AGBL3: variants seen among roughly 807,000 people sequenced by gnomAD.
AGBL3 encodes AGBL carboxypeptidase 3.
In AGBL3, 68 loss-of-function variants were observed where a neutral mutation model predicts 94.5. That is an observed-to-expected ratio of 0.72 (90% CI 0.59 to 0.88). AGBL3 has a LOEUF of 0.88. Ranked by LOEUF, AGBL3 falls within the 40% of genes least tolerant of loss-of-function variation. AGBL3 has a pLI of 0.00. For synonymous variants in AGBL3, 354 were observed against 370.7 expected (o/e 0.95, Z 0.52); for missense variants, 934 against 1,103.8 (o/e 0.85, Z 2.18).
chr7:135,059,243 T>C lies in AGBL3; in HGVS notation c.1908+8T>C, dbSNP rs1449333387. 6.5e-7 allele frequency: 1 copy of C among 1,548,124 alleles called. No individual in the cohort carries two copies. The highest frequency in any genetic ancestry group is 1.2e-5 in the South Asian group (1 of 83,770). On this transcript the variant is annotated splice_region_variant and intron_variant, in intron 12 of 16. Coordinates refer to ENST00000436302, the MANE Select transcript of AGBL3 (RefSeq NM_178563.4). ...CTCAAGTTAACTTCTCAGGTATGAC[T>C]GAACATTTTTGCTTATATGTGGATA...
chr7:135,129,793 T>A (rs1828470595), intron 16 of AGBL3: 2 of 566,264 alleles, frequency 3.5e-6, no homozygotes, highest in Admixed American at 2.6e-5. Flanking sequence ...ACTCATTCAG[T>A]CTTCCTGTGT....
chr7:135,044,595 C>T (rs1374759870), intron 9 of AGBL3, among the ~76,000 whole-genome samples: 1 of 152,092 alleles, frequency 6.6e-6, no homozygotes, highest in Non-Finnish European at 1.5e-5. Flanking sequence ...TTACAGCTAG[C>T]ATATCCTAAC....
At chr7:135,093,693 TAG>T in intron 15 of AGBL3, 1 of 152,318 alleles carries the variant, frequency 6.6e-6, no homozygotes, top group East Asian at 1.9e-4. Context: ...CTCAAATTGA[TAG>T]ATTCAGTGCA....
Position 135,034,542 on chromosome 7 carries a change from A to C in AGBL3, c.951A>C (p.Pro317=). ...ACCTTTCTGGCATCAATAATGATCC[A>C]GTACGGTCAAAGTTTTGTAAAATAC... ...QEYLSGINND[P]VRSKFCKIRV... Residue 317 remains proline (P), a synonymous_variant, in exon 7 of 17, where the codon CCA becomes CCC. Coordinates refer to ENST00000436302, the MANE Select transcript of AGBL3 (RefSeq NM_178563.4). The C allele has an allele frequency of 1.3e-6, 2 of 1,551,962 alleles. No individual in the cohort carries two copies. The highest frequency in any genetic ancestry group is 1.7e-6 in the Non-Finnish European group (2 of 1,147,032).
intron 3 of AGBL3, 151 bp from the exon 4 acceptor site, chr7:134,993,342 C>T: frequency 1.7e-6 from 1 of 604,140 alleles, no homozygotes. Context: ...TTCATTAGTA[C>T]TTTTATAAAC....
intron 12 of AGBL3, 129 bp downstream of exon 12, chr7:135,059,364 A>G (rs1818626408): frequency 1.9e-6 from 1 of 528,530 alleles, no homozygotes; most frequent in Non-Finnish European, 3.3e-6. Context: ...CTAACTATGT[A>G]GATATTTTAA....
chr7:135,015,391 T>A (rs769753385), intron 4 of AGBL3, among the ~76,000 whole-genome samples: 4 of 152,218 alleles, frequency 2.6e-5, no homozygotes, highest in Non-Finnish European at 5.9e-5. Flanking sequence ...TCTCTCCATA[T>A]GTCCATTCAT....
At chr7:135,085,695 C>T (rs1206949753) in intron 15 of AGBL3, among the ~76,000 whole-genome samples, 2 of 152,050 alleles carry the variant, frequency 1.3e-5, no homozygotes, top group Non-Finnish European at 2.9e-5. Context: ...TGTTCTGTCT[C>T]ATTGGTCTAC....
intron 3 of AGBL3, among the ~76,000 whole-genome samples, chr7:134,991,344 CTTCAGATTCCCTCCACACT>C: frequency 6.6e-6 from 1 of 152,116 alleles, no homozygotes; most frequent in South Asian, 2.1e-4. Context: ...GCTTTCTTCC[CTTCAGATTCCCTCCACACT>C]GTAAGGACCC....
At chr7:135,035,070 T>C in intron 7 of AGBL3, 142 bp downstream of exon 7, 1 of 760,468 alleles carries the variant, frequency 1.3e-6, no homozygotes, top group Non-Finnish European at 1.9e-6. Context: ...TCCCCGTTAT[T>C]CACAACTGTG....
intron 16 of AGBL3, among the ~76,000 whole-genome samples, chr7:135,118,848 G>C (rs1386438249): frequency 1.3e-5 from 2 of 151,998 alleles, no homozygotes; most frequent in Non-Finnish European, 2.9e-5. Context: ...AGAAATTTTT[G>C]AATTGAAAAA....
chr7:135,095,885 C>T (rs1194174839), intron 15 of AGBL3, among the ~76,000 whole-genome samples: 1 of 152,210 alleles, frequency 6.6e-6, no homozygotes, highest in Non-Finnish European at 1.5e-5. Flanking sequence ...GACACAGTGG[C>T]TCACGCCTGT....
At chr7:135,126,552 T>C (rs185248255) in intron 16 of AGBL3, among the ~76,000 whole-genome samples, 2 of 152,320 alleles carry the variant, frequency 1.3e-5, no homozygotes, top group Admixed American at 6.5e-5. Context: ...AAATTTCATA[T>C]GGAATCAAAG....
intron 4 of AGBL3, among the ~76,000 whole-genome samples, chr7:135,002,100 A>G (rs1269490066): frequency 1.3e-5 from 2 of 152,164 alleles, no homozygotes. Flanking sequence ...AGTCAGGGTA[A>G]TTCTAGTGAA....
At chr7:134,996,152 A>G (rs1810980511) in intron 4 of AGBL3, among the ~76,000 whole-genome samples, 1 of 152,238 alleles carries the variant, frequency 6.6e-6, no homozygotes, top group Non-Finnish European at 1.5e-5. Context: ...AGCAAGAGAA[A>G]GATACTGTGG....
At chr7:135,015,661 A>G (rs1199929390) in intron 4 of AGBL3, among the ~76,000 whole-genome samples, 2 of 152,050 alleles carry the variant, frequency 1.3e-5, no homozygotes, top group Non-Finnish European at 2.9e-5. Flanking sequence ...CATAAGCAGA[A>G]ATTAATAAAA....
intron 16 of AGBL3, 73 bp downstream of exon 16, chr7:135,115,684 A>G (rs746442579): frequency 1.2e-5 from 15 of 1,249,088 alleles, no homozygotes; most frequent in Non-Finnish European, 1.5e-5. Flanking sequence ...TTATTAATTT[A>G]TTATCCTACG....
At chr7:135,076,888 CAACAACAACA>C (rs1820504701) in intron 13 of AGBL3, among the ~76,000 whole-genome samples, 1 of 151,978 alleles carries the variant, frequency 6.6e-6, no homozygotes, top group Non-Finnish European at 1.5e-5. Flanking sequence ...TTATCCACAA[CAACAACAACA>C]AACAACAACA....
rs1287103031 is a variant in AGBL3 at position 135,020,093 on chromosome 7, A to G, written c.418+2934A>G. Among the ~76,000 whole-genome samples, 9 of 152,262 alleles carry G rather than the reference A, an allele frequency of 5.9e-5. No homozygotes were observed. The East Asian group carries it at 1.7e-3, about 29-fold the overall frequency. Reference sequence around the variant, plus strand: ...TAATTAAACTAAAGAGCTTCTGTACAGCAAAAGAAACCACCATCAGAGTGA... The same window carrying G: ...TAATTAAACTAAAGAGCTTCTGTACGGCAAAAGAAACCACCATCAGAGTGA... On this transcript the variant is annotated intron_variant, in intron 5 of 16. Transcript: ENST00000436302.
Sources: allele counts gnomAD v4.1 joint callset (sites outside exome capture counted in the v4.1 genomes callset), GRCh38; gene constraint gnomAD v4.1.1; transcripts MANE v1.5; gene names NCBI Gene and HGNC (gene_info 2026-07-23, HGNC 2026-07-21).